The following ZBTB38 variants were observed in gnomAD, a reference collection of about 807,000 sequenced individuals.
The protein encoded by ZBTB38 is zinc finger and BTB domain-containing protein 38.
In ZBTB38, 20 loss-of-function variants were observed where a neutral mutation model predicts 76.8. The observed-to-expected ratio is 0.26, with a 90% CI of 0.18 to 0.38. ZBTB38 has a LOEUF of 0.38. ZBTB38 is among the 10% of genes least tolerant of loss of function. The pLI, the probability that ZBTB38 is intolerant of heterozygous loss-of-function variation, is 1.00. For missense variants in ZBTB38, 1,082 were observed against 1,482.3 expected (o/e 0.73, Z 4.43); for synonymous variants, 504 against 544.2 (o/e 0.93, Z 1.03).
intron 1 of ZBTB38, among the ~76,000 whole-genome samples, chr3:141,354,874 A>G (rs1024198122): frequency 1.3e-5 from 2 of 152,058 alleles, no homozygotes; most frequent in African/African-American, 4.8e-5. Flanking sequence ...GGAGAATGAT[A>G]GGCGTAACCA....
intron 4 of ZBTB38, among the ~76,000 whole-genome samples, chr3:141,396,874 T>G (rs1471073017): frequency 6.6e-6 from 1 of 152,200 alleles, no homozygotes; most frequent in Non-Finnish European, 1.5e-5. Flanking sequence ...CTAAACTAGA[T>G]CTGCTGTCAT....
chr3:141,430,363 G>A (rs1055854951), intron 5 of ZBTB38, among the ~76,000 whole-genome samples: 5 of 152,110 alleles, frequency 3.3e-5, no homozygotes, highest in African/African-American at 7.2e-5. Context: ...CACCACGCCC[G>A]GCCTCATTTG....
intron 2 of ZBTB38, among the ~76,000 whole-genome samples, chr3:141,372,851 T>C (rs1351470371): frequency 6.6e-6 from 1 of 152,138 alleles, no homozygotes; most frequent in Admixed American, 6.5e-5. Flanking sequence ...CAGGGTCCAT[T>C]CATGTGGGAG....
At chr3:141,351,823 G>A (rs902254594) in intron 1 of ZBTB38, among the ~76,000 whole-genome samples, 1 of 151,094 alleles carries the variant, frequency 6.6e-6, no homozygotes, top group Non-Finnish European at 1.5e-5. Context: ...AAGTGCAATC[G>A]TGATCTAACA....
At chr3:141,341,869 G>A (rs903906147) in intron 1 of ZBTB38, among the ~76,000 whole-genome samples, 2 of 152,134 alleles carry the variant, frequency 1.3e-5, no homozygotes, top group African/African-American at 2.4e-5. Context: ...AAGATGATAC[G>A]ACAGATTTGT....
intron 1 of ZBTB38, among the ~76,000 whole-genome samples, chr3:141,331,945 A>G (rs546508710): frequency 2.8e-4 from 43 of 152,296 alleles, no homozygotes; most frequent in African/African-American, 1.0e-3. Flanking sequence ...TGCCTGACAA[A>G]TAAGTGGAAG....
At chr3:141,325,510 T>C (rs1251610986) in intron 1 of ZBTB38, among the ~76,000 whole-genome samples, 5 of 152,186 alleles carry the variant, frequency 3.3e-5, no homozygotes, top group Non-Finnish European at 7.3e-5. Flanking sequence ...GATTCTTTCT[T>C]CAGCAACCCG....
chr3:141,417,882 T>C (rs898397513), intron 5 of ZBTB38, among the ~76,000 whole-genome samples: 6 of 151,946 alleles, frequency 3.9e-5, no homozygotes, highest in Non-Finnish European at 5.9e-5. Context: ...GGCGTAGTGG[T>C]GCATGCCTGT....
chr3:141,342,847 G>A (rs765582540), intron 1 of ZBTB38, among the ~76,000 whole-genome samples: 1 of 151,366 alleles, frequency 6.6e-6, no homozygotes, highest in African/African-American at 2.4e-5. Context: ...CAGGGAGGGA[G>A]AGAAGAAAAA....
intron 1 of ZBTB38, among the ~76,000 whole-genome samples, chr3:141,336,323 G>C (rs1467963846): frequency 1.3e-5 from 2 of 151,724 alleles, no homozygotes; most frequent in African/African-American, 2.4e-5. Context: ...TAAAACCCAG[G>C]CTTCCCACCA....
chr3:141,433,971 G>A (rs770849624), intron 5 of ZBTB38, among the ~76,000 whole-genome samples: 1 of 152,146 alleles, frequency 6.6e-6, no homozygotes, highest in Non-Finnish European at 1.5e-5. Context: ...CTTAGAACTC[G>A]AAGGCACTTT....
chr3:141,442,293 A>T lies in ZBTB38; in HGVS notation c.1-96A>T. 1 of 924,940 alleles carries T rather than the reference A, an allele frequency of 1.1e-6. No individual in the cohort carries two copies. Among genetic ancestry groups the T allele is most frequent in the Non-Finnish European group, 1.6e-6 (1 of 607,372 alleles). 57.3% of individuals were successfully genotyped at this position (924,940 alleles called of 1,614,324 possible). On this transcript the variant is annotated intron_variant, in intron 5 of 5. Coordinates refer to ENST00000321464, the MANE Select transcript of ZBTB38 (RefSeq NM_001376113.1). This position sits in a 1 kb window ranked among gnomAD's most constrained non-coding sequence, Gnocchi z 6.4. ...ATGAGATAAAAACCTGAAGTTTCAT[A>T]CAAAAGAACAGTTTTTCACAGAAGT...
chr3:141,370,525 A>T (rs1328732355), intron 2 of ZBTB38, among the ~76,000 whole-genome samples: 1 of 152,248 alleles, frequency 6.6e-6, no homozygotes, highest in Non-Finnish European at 1.5e-5. Context: ...CATAAAAGAA[A>T]CTTGGAGATA....
chr3:141,445,911 A>G lies in ZBTB38; in HGVS notation c.3523A>G (p.Ile1175Val), dbSNP rs1489127904. The G allele has an allele frequency of 1.9e-6, 3 of 1,607,288 alleles. No individual in the cohort carries two copies. Among genetic ancestry groups the G allele is most frequent in the Non-Finnish European group, 2.5e-6 (3 of 1,180,010 alleles). ...AAATCCCTTGGAGAATCAACATTTC[A>G]TTGGTTCAGAAGACAATGACCAAAA... Reference protein sequence around the residue: ...NSNPLENQHFIGSEDNDQKDN... With the variant: ...NSNPLENQHFVGSEDNDQKDN... The change falls in exon 6 of 6, where the codon ATT (isoleucine) becomes GTT (valine). Residue 1175 changes from isoleucine to valine, a missense_variant. Coordinates refer to ENST00000321464, the MANE Select transcript of ZBTB38 (RefSeq NM_001376113.1). The surrounding 1 kb of genome is among the most constrained non-coding windows in gnomAD (Gnocchi z 6.5).
intron 4 of ZBTB38, among the ~76,000 whole-genome samples, chr3:141,398,954 C>G (rs1951026454): frequency 6.6e-6 from 1 of 151,912 alleles, no homozygotes; most frequent in African/African-American, 2.4e-5. Flanking sequence ...ATAGGTTTCT[C>G]TCCTCTCTTT....
intron 1 of ZBTB38, among the ~76,000 whole-genome samples, chr3:141,329,797 T>A (rs1942788893): frequency 1.3e-5 from 2 of 152,108 alleles, no homozygotes; most frequent in Non-Finnish European, 2.9e-5. Context: ...GATTTTTTTT[T>A]AATTAGAAAA....
At chr3:141,394,477 T>C (rs1949860364) in intron 4 of ZBTB38, 1 of 152,250 alleles carries the variant, frequency 6.6e-6, no homozygotes, top group Admixed American at 6.5e-5. Context: ...TTATTCATGC[T>C]ATGTGATCAA....
chr3:141,388,390 T>C (rs1243912887), intron 4 of ZBTB38: 1 of 152,184 alleles, frequency 6.6e-6, no homozygotes, highest in Non-Finnish European at 1.5e-5. Context: ...ATTATGTATA[T>C]AATTTGGGGG....
At chr3:141,395,179 C>T (rs1218295067) in intron 4 of ZBTB38, among the ~76,000 whole-genome samples, 1 of 152,206 alleles carries the variant, frequency 6.6e-6, no homozygotes, top group Admixed American at 6.5e-5. Context: ...TTCTGTTGGG[C>T]ATGGCAGAAC....
Sources: allele counts gnomAD v4.1 joint callset (sites outside exome capture counted in the v4.1 genomes callset), GRCh38; gene constraint gnomAD v4.1.1; non-coding constraint Gnocchi (gnomAD v3.1); transcripts MANE v1.5; gene names NCBI Gene and HGNC (gene_info 2026-07-23, HGNC 2026-07-21).